The following CCDC102B variants were observed in gnomAD, a reference collection of about 807,000 sequenced individuals.
CCDC102B encodes coiled-coil domain containing 102B, also known as coiled-coil domain-containing protein 102B.
Under a neutral mutation model 57.4 loss-of-function variants are expected in CCDC102B, and 75 were observed. The observed-to-expected ratio is 1.31, with a 90% CI of 1.08 to 1.58. The LOEUF (loss-of-function observed/expected upper bound fraction) is 1.58, where lower values mean the gene tolerates loss of function less well. Among genes scored for constraint, CCDC102B ranks in the 40% most tolerant of loss-of-function variants. CCDC102B has a pLI of 0.00. For synonymous variants in CCDC102B, 206 were observed against 201.9 expected (o/e 1.02, Z -0.17); for missense variants, 636 against 582.6 (o/e 1.09, Z -0.94).
At chr18:68,897,536 T>A (rs2040287331) in intron 6 of CCDC102B, 108 bp downstream of exon 6, 7 of 1,548,408 alleles carry the variant, frequency 4.5e-6, no homozygotes, top group Non-Finnish European at 6.2e-6. Flanking sequence ...TTTCCTTTTG[T>A]GCCAGCTAAT....
At chr18:68,975,900 C>G (rs2050423569) in intron 6 of CCDC102B, among the ~76,000 whole-genome samples, 3 of 149,664 alleles carry the variant, frequency 2.0e-5, no homozygotes, top group African/African-American at 4.9e-5. Flanking sequence ...CAGACATAGT[C>G]ACAATCAATA....
At chr18:68,920,192 C>T (rs1205208816) in intron 6 of CCDC102B, among the ~76,000 whole-genome samples, 1 of 152,116 alleles carries the variant, frequency 6.6e-6, no homozygotes, top group African/African-American at 2.4e-5. Context: ...ATTTAGCTCT[C>T]ACTTGTAAGT....
intron 5 of CCDC102B, 30 bp from the exon 6 acceptor site, chr18:68,897,189 A>G (rs374543046): frequency 1.3e-6 from 2 of 1,577,264 alleles, no homozygotes; most frequent in Non-Finnish European, 1.7e-6. Flanking sequence ...CAAATGCTGC[A>G]TGCTGCTTCT....
At chr18:68,981,401 G>A (rs2050577142) in intron 6 of CCDC102B, among the ~76,000 whole-genome samples, 1 of 152,024 alleles carries the variant, frequency 6.6e-6, no homozygotes, top group Non-Finnish European at 1.5e-5. Context: ...ATAAGGGACA[G>A]GACGATGGTG....
chr18:68,919,956 A>C (rs1490656639), intron 6 of CCDC102B, among the ~76,000 whole-genome samples: 1 of 152,086 alleles, frequency 6.6e-6, no homozygotes, highest in Non-Finnish European at 1.5e-5. Context: ...CCCCAAGGAA[A>C]AGTATTCTTA....
chr18:68,964,177 T>C (rs929178601), intron 6 of CCDC102B, among the ~76,000 whole-genome samples: 11 of 152,100 alleles, frequency 7.2e-5, no homozygotes, highest in Non-Finnish European at 1.3e-4. Flanking sequence ...TTTTGTGCTT[T>C]CTATTAAATT....
At chr18:68,745,767 G>A (rs540842555) in intron 2 of CCDC102B, among the ~76,000 whole-genome samples, 9 of 152,118 alleles carry the variant, frequency 5.9e-5, no homozygotes, top group African/African-American at 1.9e-4. Context: ...TAGTAACCAC[G>A]ATTTTCCTTT....
chr18:68,904,303 A>C (rs1314516649), intron 6 of CCDC102B, among the ~76,000 whole-genome samples: 1 of 152,192 alleles, frequency 6.6e-6, no homozygotes, highest in Non-Finnish European at 1.5e-5. Context: ...TAAAATATAA[A>C]ATGTGTTATA....
At chr18:69,036,825 T>TA (rs2052305024) in intron 7 of CCDC102B, among the ~76,000 whole-genome samples, 1 of 152,078 alleles carries the variant, frequency 6.6e-6, no homozygotes, top group East Asian at 1.9e-4. Flanking sequence ...AAGCTTTGAC[T>TA]AAATGCATGA....
chr18:68,893,575 C>T (rs1158223739), intron 5 of CCDC102B, among the ~76,000 whole-genome samples: 2 of 152,142 alleles, frequency 1.3e-5, no homozygotes, highest in Non-Finnish European at 2.9e-5. Context: ...TTCTCTTTCA[C>T]TTAACAGTTA....
chr18:68,725,066 G>A (rs764530224), intron 2 of CCDC102B, among the ~76,000 whole-genome samples: 58 of 152,180 alleles, frequency 3.8e-4, no homozygotes, highest in Non-Finnish European at 7.5e-4. Flanking sequence ...AAGCGGTGCC[G>A]AGTGAAGAGG....
chr18:68,794,322 C>T (rs2035559135), upstream of CCDC102B, among the ~76,000 whole-genome samples: 1 of 152,108 alleles, frequency 6.6e-6, no homozygotes, highest in Admixed American at 6.6e-5. Flanking sequence ...AACAGACTGG[C>T]ATTAGAAATA....
chr18:68,830,974 A>T (rs2037119865), intron 1 of CCDC102B, among the ~76,000 whole-genome samples: 1 of 152,046 alleles, frequency 6.6e-6, no homozygotes, highest in African/African-American at 2.4e-5. Context: ...AAAACGGATT[A>T]TGGATTTTGG....
intron 2 of CCDC102B, among the ~76,000 whole-genome samples, chr18:68,716,767 G>A (rs986751465): frequency 6.6e-6 from 1 of 151,766 alleles, no homozygotes; most frequent in African/African-American, 2.4e-5. Context: ...GACCCCATCT[G>A]TACAAAAAAT....
At chr18:68,910,447 GAAGGCATTTT>G (rs2040800437) in intron 6 of CCDC102B, among the ~76,000 whole-genome samples, 2 of 152,276 alleles carry the variant, frequency 1.3e-5, no homozygotes, top group South Asian at 4.1e-4. Context: ...ATCATGGTAA[GAAGGCATTTT>G]AAGGCATAGC....
chr18:68,870,874 G>A (rs552861040), intron 4 of CCDC102B, among the ~76,000 whole-genome samples: 1 of 152,246 alleles, frequency 6.6e-6, no homozygotes, highest in Admixed American at 6.5e-5. Context: ...AATGACGATA[G>A]GGTGTGTTAC....
intron 7 of CCDC102B, among the ~76,000 whole-genome samples, chr18:69,015,342 C>A (rs1294603120): frequency 3.9e-5 from 6 of 152,172 alleles, no homozygotes; most frequent in Non-Finnish European, 7.4e-5. Context: ...TATTTGATTG[C>A]AGTTGTAAGG....
chr18:68,825,023 TTCTTTCTCTTTTA>T (rs1380567538), intron 1 of CCDC102B, among the ~76,000 whole-genome samples: 1 of 152,216 alleles, frequency 6.6e-6, no homozygotes, highest in East Asian at 1.9e-4. Flanking sequence ...CTGTCTCTTT[TTCTTTCTCTTTTA>T]TCTTTCTCTC....
downstream of CCDC102B, among the ~76,000 whole-genome samples, chr18:69,057,370 G>A (rs1164279321): frequency 6.6e-6 from 1 of 152,000 alleles, no homozygotes; most frequent in Middle Eastern, 3.2e-3. Flanking sequence ...GATTCTTGCA[G>A]CTGCATTTTA....
Sources: allele counts gnomAD v4.1 joint callset (sites outside exome capture counted in the v4.1 genomes callset), GRCh38; gene constraint gnomAD v4.1.1; transcripts MANE v1.5; gene names NCBI Gene and HGNC (gene_info 2026-07-23, HGNC 2026-07-21).